Variants in WWOX observed in about 807,000 individuals in gnomAD.
WWOX encodes WW domain-containing oxidoreductase.
Under a neutral mutation model 46.2 loss-of-function variants are expected in WWOX, and 69 were observed. The ratio of observed to expected loss-of-function variants is 1.49; its 90% CI spans 1.23 to 1.82. The LOEUF is 1.82. Ranked by LOEUF, WWOX falls within the 40% of genes most tolerant of loss-of-function variation. WWOX has a pLI of 0.00. For missense variants in WWOX, 919 were observed against 542.6 expected (o/e 1.69, Z -6.89); for synonymous variants, 359 against 202.6 (o/e 1.77, Z -6.56).
chr16:79,117,248 A>T (rs183068924), intron 8 of WWOX, among the ~76,000 whole-genome samples: 1 of 152,040 alleles, frequency 6.6e-6, no homozygotes, highest in African/African-American at 2.4e-5. Context: ...TGGTGAATCA[A>T]TCTGCCCAAA....
intron 8 of WWOX, among the ~76,000 whole-genome samples, chr16:79,019,664 G>T (rs1028356305): frequency 1.3e-5 from 2 of 151,930 alleles, no homozygotes; most frequent in African/African-American, 4.8e-5. Flanking sequence ...ATAAGCAAGG[G>T]AGACTCCAAC....
chr16:78,965,031 C>T (rs1251959657), intron 8 of WWOX, among the ~76,000 whole-genome samples: 1 of 152,176 alleles, frequency 6.6e-6, no homozygotes, highest in Non-Finnish European at 1.5e-5. Flanking sequence ...CCTGGATGCC[C>T]CAGCAAAAGT....
chr16:78,996,377 C>T (rs1396910186), intron 8 of WWOX: 8 of 570,876 alleles, frequency 1.4e-5, no homozygotes, highest in African/African-American at 8.7e-5. Context: ...TCTGCACCCA[C>T]CCCCGCCCCC....
At chr16:78,354,235 C>G (rs933247267) in intron 5 of WWOX, among the ~76,000 whole-genome samples, 1 of 151,904 alleles carries the variant, frequency 6.6e-6, no homozygotes, top group South Asian at 2.1e-4. Flanking sequence ...AGCACCCCCC[C>G]ACCCCTGCCA....
intron 8 of WWOX, among the ~76,000 whole-genome samples, chr16:78,788,695 T>G (rs2050518252): frequency 6.6e-6 from 1 of 152,224 alleles, no homozygotes; most frequent in South Asian, 2.1e-4. Flanking sequence ...TTTCCTGAGT[T>G]CTGTCATCTG....
At chr16:78,666,143 C>A (rs544128323) in intron 8 of WWOX, among the ~76,000 whole-genome samples, 2 of 152,036 alleles carry the variant, frequency 1.3e-5, no homozygotes, top group East Asian at 3.9e-4. Flanking sequence ...AAAAATTAGC[C>A]GAGTGTGGTG....
At chr16:78,976,732 C>A (rs914458031) in intron 8 of WWOX, among the ~76,000 whole-genome samples, 1 of 152,202 alleles carries the variant, frequency 6.6e-6, no homozygotes, top group African/African-American at 2.4e-5. Context: ...CTACTTCTAT[C>A]TTCCCCACTC....
chr16:78,378,964 G>T (rs921975246), intron 5 of WWOX, among the ~76,000 whole-genome samples: 1 of 152,200 alleles, frequency 6.6e-6, no homozygotes, highest in Non-Finnish European at 1.5e-5. Context: ...GAACAGCCCA[G>T]TGTGGCAGTC....
At chr16:79,007,304 G>A (rs1190165339) in intron 8 of WWOX, among the ~76,000 whole-genome samples, 3 of 152,124 alleles carry the variant, frequency 2.0e-5, no homozygotes, top group South Asian at 2.1e-4. Flanking sequence ...TCAGGGGAGG[G>A]CCCCTGAGAA....
At chr16:78,703,954 T>C (rs933263004) in intron 8 of WWOX, among the ~76,000 whole-genome samples, 1 of 152,138 alleles carries the variant, frequency 6.6e-6, no homozygotes, top group Non-Finnish European at 1.5e-5. Context: ...TACCATAATA[T>C]TTATCATTTT....
intron 5 of WWOX, among the ~76,000 whole-genome samples, chr16:78,164,567 C>T (rs1310133508): frequency 6.6e-6 from 1 of 152,070 alleles, no homozygotes; most frequent in Non-Finnish European, 1.5e-5. Context: ...AAAAATAAAA[C>T]GTGGTGAACG....
intron 8 of WWOX, among the ~76,000 whole-genome samples, chr16:78,744,918 C>T (rs191073652): frequency 6.6e-6 from 1 of 152,288 alleles, no homozygotes; most frequent in Non-Finnish European, 1.5e-5. Context: ...TTTCTGTTTC[C>T]TCCTATGTCA....
chr16:78,316,271 C>G (rs72792346), intron 5 of WWOX, among the ~76,000 whole-genome samples: 11,220 of 152,144 alleles, frequency 0.074, 570 homozygotes, highest in Admixed American at 0.15. Context: ...AAACAGCATC[C>G]ACATGTGTGC....
Position 79,207,162 on chromosome 16 carries a change from G to A in WWOX, c.1057-4446G>A, listed in dbSNP as rs558170399. 5.3e-5 allele frequency among the ~76,000 whole-genome samples: 8 copies of A among 152,278 alleles called. No homozygotes were observed. The South Asian group carries it at 6.2e-4, about 12-fold the overall frequency. On this transcript the variant is annotated intron_variant, in intron 8 of 8. Coordinates refer to ENST00000566780, the MANE Select transcript of WWOX (RefSeq NM_016373.4). ...GAGGGCTCACCCCCTCATCTCCACC[G>A]CAGCAGCTCTCTGATAAATGTAGCT... is the stretch of plus-strand genomic sequence containing the variant.
Position 78,871,892 on chromosome 16 carries a change from C to G in WWOX, c.1057-339716C>G, listed in dbSNP as rs567485696. 3.0e-4 allele frequency among the ~76,000 whole-genome samples: 46 copies of G among 152,330 alleles called. 2 individuals carry two copies. The South Asian group carries it at 8.9e-3, about 29-fold the overall frequency. ...CGCTGGGATTACAGGTGTGAGCCCCCAGGCCCTACCCTGGGCCCCTCCTTT... is the reference window on the plus strand; with the variant it reads ...CGCTGGGATTACAGGTGTGAGCCCCGAGGCCCTACCCTGGGCCCCTCCTTT... On this transcript the variant is annotated intron_variant, in intron 8 of 8. Coordinates refer to ENST00000566780, the MANE Select transcript of WWOX (RefSeq NM_016373.4).
intron 1 of WWOX, among the ~76,000 whole-genome samples, chr16:78,105,948 T>C (rs1446073071): frequency 5.3e-5 from 8 of 152,170 alleles, no homozygotes. Flanking sequence ...ATTACAGGCA[T>C]GTGCCACCAT....
At chr16:79,183,077 A>G (rs1259173371) in intron 8 of WWOX, among the ~76,000 whole-genome samples, 5 of 152,190 alleles carry the variant, frequency 3.3e-5, no homozygotes, top group African/African-American at 1.2e-4. Context: ...TTCTCTGGCA[A>G]CCCACTATGG....
chr16:79,050,935 C>G (rs11648205), intron 8 of WWOX, among the ~76,000 whole-genome samples: 4 of 152,168 alleles, frequency 2.6e-5, no homozygotes, highest in Admixed American at 6.5e-5. Context: ...TGAGGAGAAA[C>G]GAGAAATTAC....
At chr16:78,692,665 G>T (rs2048016296) in intron 8 of WWOX, among the ~76,000 whole-genome samples, 1 of 152,188 alleles carries the variant, frequency 6.6e-6, no homozygotes, top group African/African-American at 2.4e-5. Context: ...AAGGACTAGG[G>T]TCACCAGTGG....
Sources: allele counts gnomAD v4.1 joint callset (sites outside exome capture counted in the v4.1 genomes callset), GRCh38; gene constraint gnomAD v4.1.1; transcripts MANE v1.5; gene names NCBI Gene and HGNC (gene_info 2026-07-23, HGNC 2026-07-21).